The following ATP11C variants were observed in gnomAD, a reference collection of about 807,000 sequenced individuals.
ATP11C encodes the protein phospholipid-transporting ATPase IG.
ATP11C carries 36 observed loss-of-function variants against 97.4 expected under a neutral mutation model. The ratio of observed to expected loss-of-function variants is 0.37; its 90% CI spans 0.28 to 0.49. The LOEUF (loss-of-function observed/expected upper bound fraction) is 0.49, where lower values mean the gene tolerates loss of function less well. Among genes scored for constraint, ATP11C ranks in the 20% least tolerant of loss-of-function variants. The probability of loss-of-function intolerance (pLI) is 0.98; values close to 1 mark genes in which losing one functional copy is unlikely to be tolerated. For synonymous variants in ATP11C, 275 were observed against 290.9 expected, an observed-to-expected ratio of 0.95 and a Z score of 0.56; for missense variants, 730 against 824.6, an observed-to-expected ratio of 0.89 and a Z score of 1.40.
intron 1 of ATP11C, chrX:139,885,697 C>A (rs755008232): frequency 9.0e-6 from 1 of 111,652 alleles, no homozygotes; most frequent in South Asian, 3.7e-4. Context: ...AAACACAATG[C>A]CATTCACAGT....
chrX:139,856,465 G>A (rs2084091900), intron 1 of ATP11C, among the ~76,000 whole-genome samples: 1 of 112,665 alleles, frequency 8.9e-6, no homozygotes, highest in African/African-American at 3.2e-5. Context: ...GATGTGTAGT[G>A]GTATTATGGT....
chrX:139,762,206 C>T, intron 21 of ATP11C, 100 bp from the exon 22 acceptor site: 1 of 681,995 alleles, frequency 1.5e-6, no homozygotes. Context: ...TAGTTCAATT[C>T]TATCAATTAG....
chrX:139,849,123 C>T (rs142759876), intron 1 of ATP11C, among the ~76,000 whole-genome samples: 2 of 111,148 alleles, frequency 1.8e-5, no homozygotes, highest in African/African-American at 3.3e-5. Context: ...GGAAGCATTC[C>T]CTCACACTGT....
intron 1 of ATP11C, chrX:139,924,029 CA>C (rs1014182939): frequency 3.5e-6 from 1 of 284,456 alleles, no homozygotes; most frequent in African/African-American, 2.7e-5. Context: ...TTGTGTTACC[CA>C]AAAGGTATAG....
chrX:139,782,654 G>C lies in ATP11C; in HGVS notation c.1845C>G (p.Leu615=). The C allele has an allele frequency of 8.3e-7, 1 of 1,204,665 alleles. No homozygotes were observed. The highest frequency in any genetic ancestry group is 1.1e-6 in the Non-Finnish European group (1 of 890,556). Reference sequence around the variant, plus strand: ...CTTGTAAGGCCATTTTTGCCTCTATGAGCTGTCTGTTAATTCTTTCATAAT... The same window carrying C: ...CTTGTAAGGCCATTTTTGCCTCTATCAGCTGTCTGTTAATTCTTTCATAAT... ...PDDYERINRQ[L]IEAKMALQDR... Residue 615 remains leucine (L), a synonymous_variant, in exon 18 of 30, where the codon CTC becomes CTG. Coordinates refer to ENST00000682941, the MANE Select transcript of ATP11C (RefSeq NM_001353812.2).
chrX:139,853,833 CAAAA>C (rs934664774), intron 1 of ATP11C, among the ~76,000 whole-genome samples: 5 of 21,270 alleles, frequency 2.4e-4, no homozygotes, highest in Admixed American at 7.7e-4. Flanking sequence ...TATCCTAAGT[CAAAA>C]AAAAAAAAAA....
In ATP11C at chrX:139,816,926, T is replaced by C; in HGVS notation, c.255A>G (p.Pro85=). The change falls in exon 4 of 30, where the codon CCA becomes CCG. Residue 85 remains proline, a synonymous_variant. Coordinates refer to ENST00000682941, the MANE Select transcript of ATP11C (RefSeq NM_001353812.2). ...IFLVQVTVDT[P]TSPVTSGLPL... ...GAAGTCCACTGGTAACTGGGCTAGT[T>C]GGTGTGTCTACTGTGACCTAGGTAA... The C allele has an allele frequency of 8.4e-7, 1 of 1,195,244 alleles. No homozygotes were observed. Among genetic ancestry groups the C allele is most frequent in the Non-Finnish European group, 1.1e-6 (1 of 883,337 alleles).
At chrX:139,836,506 C>G (rs1052176042) in intron 1 of ATP11C, among the ~76,000 whole-genome samples, 2 of 111,362 alleles carry the variant, frequency 1.8e-5, no homozygotes, top group Non-Finnish European at 3.8e-5. Context: ...CAGAACGAGA[C>G]TCTCTCCAAA....
chrX:139,869,265 G>T (rs189390953), intron 1 of ATP11C, among the ~76,000 whole-genome samples: 240 of 111,833 alleles, frequency 2.1e-3, no homozygotes, highest in Non-Finnish European at 3.3e-3. Context: ...TGGTATATTC[G>T]TATCTGATTG....
Position 139,762,085 on chromosome X carries a change from C to A in ATP11C, c.2516G>T (p.Arg839Leu), listed in dbSNP as rs768204585. The A allele has an allele frequency of 8.3e-7, 1 of 1,205,371 alleles. No homozygotes were observed. The highest frequency in any genetic ancestry group is 3.0e-5 in the East Asian group (1 of 33,761). The change falls in exon 22 of 30, where the codon CGC becomes CTC. Residue 839 changes from arginine (R) to leucine (L), a missense_variant. Transcript: ENST00000682941. ...VGIGIKGKEG[R>L]QAARNSDYSV... ...ATAATCGCTATTCCTAGCTGCTTGG[C>A]GACCTTCTTTGCCTTTAATACCTAA...
intron 1 of ATP11C, among the ~76,000 whole-genome samples, chrX:139,905,855 A>C (rs1247818557): frequency 1.8e-5 from 2 of 112,040 alleles, no homozygotes; most frequent in Non-Finnish European, 3.8e-5. Flanking sequence ...GATCAAGGGC[A>C]AAAATGAAAA....
intron 12 of ATP11C, among the ~76,000 whole-genome samples, chrX:139,791,315 G>A (rs745774965): frequency 4.5e-5 from 5 of 111,019 alleles, no homozygotes; most frequent in Non-Finnish European, 7.5e-5. Flanking sequence ...TTCCCTGAAG[G>A]GTGTCCTGGA....
chrX:139,839,643 G>A (rs770970668), intron 1 of ATP11C, among the ~76,000 whole-genome samples: 3 of 111,572 alleles, frequency 2.7e-5, no homozygotes, highest in Non-Finnish European at 3.8e-5. Flanking sequence ...ACAGTACCCT[G>A]AGGGCTAACC....
chrX:139,794,826 T>C (rs924952641), intron 12 of ATP11C, among the ~76,000 whole-genome samples: 2 of 112,022 alleles, frequency 1.8e-5, no homozygotes, highest in Admixed American at 9.5e-5. Context: ...ATGATGGCTA[T>C]TCTATTTGTA....
chrX:139,739,074 A>T (rs1480217526), intron 27 of ATP11C, among the ~76,000 whole-genome samples: 1 of 111,275 alleles, frequency 9.0e-6, no homozygotes, highest in Non-Finnish European at 1.9e-5. Context: ...AGGTAGAAAA[A>T]TTTATGAGGC....
intron 13 of ATP11C, 50 bp from the exon 14 acceptor site, chrX:139,788,393 G>T (rs771015497): frequency 2.8e-6 from 3 of 1,065,418 alleles, no homozygotes; most frequent in Admixed American, 4.7e-5. Flanking sequence ...TTGATCACCC[G>T]GTAACTAGGC....
intron 1 of ATP11C, among the ~76,000 whole-genome samples, chrX:139,883,013 CA>C (rs954659517): frequency 1.1e-4 from 12 of 110,950 alleles, no homozygotes; most frequent in African/African-American, 3.6e-4. Flanking sequence ...AAGTTTTAAG[CA>C]AGGAAAGGGC....
intron 1 of ATP11C, among the ~76,000 whole-genome samples, chrX:139,891,477 A>T (rs1056616327): frequency 7.2e-5 from 8 of 111,837 alleles, no homozygotes; most frequent in Admixed American, 6.7e-4. Context: ...ATGCAGAGAA[A>T]ATGACTCATT....
intron 1 of ATP11C, among the ~76,000 whole-genome samples, chrX:139,869,241 G>A (rs1334147597): frequency 8.9e-6 from 1 of 111,988 alleles, no homozygotes; most frequent in Non-Finnish European, 1.9e-5. Context: ...ACAGATGAAT[G>A]GATAAAGAAA....
Sources: gnomAD v4.1 joint callset for allele counts (sites outside exome capture counted in the v4.1 genomes callset) on GRCh38, gnomAD v4.1.1 for gene constraint, MANE v1.5 for transcripts, NCBI Gene and HGNC (gene_info 2026-07-23, HGNC 2026-07-21) for gene names.